The following SLFN12L variants were observed in gnomAD, a reference collection of about 807,000 sequenced individuals.
SLFN12L encodes the protein schlafen family member 12-like.
SLFN12L carries 34 observed loss-of-function variants against 34.8 expected under a neutral mutation model. The observed-to-expected ratio is 0.98, with a 90% confidence interval of 0.74 to 1.30. The LOEUF (loss-of-function observed/expected upper bound fraction) is 1.30. Among genes scored for constraint, SLFN12L ranks in the 50% most tolerant of loss-of-function variants. The pLI is 0.00. For missense variants in SLFN12L, 703 were observed against 696.2 expected, an observed-to-expected ratio of 1.01 and a Z score of -0.11; for synonymous variants, 259 against 247.5, an observed-to-expected ratio of 1.05 and a Z score of -0.44.
At position 35,475,539 on chromosome 17, in the gene SLFN12L, C is replaced by T. The variant is rs918995865; in HGVS notation, c.1277-54G>A. The T allele has an allele frequency of 3.4e-6, 5 of 1,484,746 alleles. No homozygotes were observed. The East Asian group carries it at 1.2e-4, about 36-fold the overall frequency. The allele number at this position is 1,484,746 out of a possible 1,614,324, so 92.0% of individuals were successfully genotyped here. A position where few individuals can be genotyped will look rare whatever the true frequency, so the allele number is the denominator to read the frequency against. On this transcript the variant is annotated intron_variant, in intron 4 of 4. Transcript: ENST00000628453. Reference sequence around the variant, plus strand: ...AAAGACTGAGAACTTCCAACTTAAGCCATGGATACAAAGCAGCTTGTATTA... The same window carrying T: ...AAAGACTGAGAACTTCCAACTTAAGTCATGGATACAAAGCAGCTTGTATTA...
In SLFN12L at chr17:35,498,078, G is replaced by A. The variant is rs892747676; in HGVS notation, c.87-17883C>T. On this transcript the variant is annotated intron_variant, in intron 2 of 4. Transcript: ENST00000628453. Reference sequence around the variant, plus strand: ...AGCGGCCGCCCAGAGCGGCGGCGAGGGCGGCGGGGCGCGGGGCTCCAGGAC... The same window carrying A: ...AGCGGCCGCCCAGAGCGGCGGCGAGAGCGGCGGGGCGCGGGGCTCCAGGAC... The A allele has an allele frequency of 5.7e-6, 3 of 529,002 alleles. No homozygotes were observed. In the South Asian group the frequency reaches 8.0e-5, roughly 14 times the overall value. The allele number at this position is 529,002 out of a possible 1,614,324, so 32.8% of individuals were successfully genotyped here.
intron 2 of SLFN12L, chr17:35,491,014 C>G: frequency 1.3e-6 from 1 of 789,102 alleles, no homozygotes; most frequent in Non-Finnish European, 2.3e-6. Context: ...CTCCTCCGGC[C>G]TCCCCAGCCA....
chr17:35,475,191 A>G lies in SLFN12L; in HGVS notation c.1571T>C (p.Leu524Pro). ...TQTAQTLKQK[L>P]AKIGGYTKKV... ...TTTAGTGTAACCACCAATTTTTGCC[A>G]GCTTCTGTTTTAAAGTTTGGGCAGT... is the stretch of plus-strand genomic sequence containing the variant. Residue 524 changes from leucine (L) to proline (P), a missense_variant, in exon 5 of 5, where the codon CTG becomes CCG. Leu to Pro is a moderately conservative substitution (Grantham distance 98). Transcript: ENST00000628453. The G allele has an allele frequency of 6.2e-7, 1 of 1,614,184 alleles. No individual in the cohort carries two copies. Among genetic ancestry groups the G allele is most frequent in the Non-Finnish European group, 8.5e-7 (1 of 1,180,028 alleles).
At chr17:35,511,789 C>T (rs545638850) in intron 2 of SLFN12L, among the ~76,000 whole-genome samples, 1 of 152,236 alleles carries the variant, frequency 6.6e-6, no homozygotes, top group African/African-American at 2.4e-5. Flanking sequence ...AAAAACATAA[C>T]AGCAATTCCA....
chr17:35,489,647 A>C (rs921253145), intron 2 of SLFN12L, among the ~76,000 whole-genome samples: 2 of 152,236 alleles, frequency 1.3e-5, no homozygotes, highest in Admixed American at 1.3e-4. Context: ...TCGGTATCCA[A>C]GAGTGATTTA....
intron 1 of SLFN12L, among the ~76,000 whole-genome samples, chr17:35,526,170 T>C (rs973197186): frequency 2.0e-5 from 3 of 152,176 alleles, no homozygotes; most frequent in African/African-American, 4.8e-5. Context: ...ATCCTAAATA[T>C]ATATGTACCC....
chr17:35,479,110 C>A lies in SLFN12L; in HGVS notation c.1165+7G>T. ...GGTATCCTTATTGCCAATCCTCCTT[C>A]CTCAACCTGGTTCTGAATCCACCAT... On this transcript the variant is annotated splice_region_variant and intron_variant, in intron 3 of 4. Transcript: ENST00000628453. The A allele has an allele frequency of 1.9e-6, 3 of 1,541,672 alleles. No individual in the cohort carries two copies. Among genetic ancestry groups the A allele is most frequent in the Non-Finnish European group, 2.6e-6 (3 of 1,140,968 alleles).
rs189517220 is a variant in SLFN12L, at chr17:35,474,803, G to T, written c.*120C>A. 5.3e-4 allele frequency: 527 copies of T among 986,412 alleles called. 3 individuals are homozygous for T. In the African/African-American group the frequency reaches 7.6e-3, roughly 14 times the overall value. The allele number at this position is 986,412 out of a possible 1,614,324, so 61.1% of individuals were successfully genotyped here. ...AAAAATTAGCCAGGTGTGGTGGCAG[G>T]CACATGTAATCCCAGCTACTCGGGA... On this transcript the variant is annotated 3_prime_UTR_variant, in exon 5 of 5. Coordinates refer to ENST00000628453, the MANE Select transcript of SLFN12L (RefSeq NM_001363830.2).
In SLFN12L at chr17:35,479,107, C is replaced by T; in HGVS notation, c.1165+10G>A. On this transcript the variant is annotated intron_variant, in intron 3 of 4. Transcript: ENST00000628453. ...AAAGGTATCCTTATTGCCAATCCTC[C>T]TTCCTCAACCTGGTTCTGAATCCAC... 1 of 1,534,168 alleles carries T rather than the reference C, an allele frequency of 6.5e-7. No homozygotes were observed. Among genetic ancestry groups the T allele is most frequent in the Non-Finnish European group, 8.8e-7 (1 of 1,137,094 alleles).
At chr17:35,504,690 T>C (rs920584961) in intron 2 of SLFN12L, among the ~76,000 whole-genome samples, 1 of 152,150 alleles carries the variant, frequency 6.6e-6, no homozygotes, top group African/African-American at 2.4e-5. Flanking sequence ...ACCCTGTGGG[T>C]CAGCCCCCAG....
chr17:35,530,432 AAGGG>A (rs2072389021), intron 1 of SLFN12L, among the ~76,000 whole-genome samples: 1 of 9,412 alleles, frequency 1.1e-4, no homozygotes, highest in African/African-American at 2.2e-4. Context: ...GAAGGAAGGG[AAGGG>A]AAGGGAAGAA....
intron 1 of SLFN12L, among the ~76,000 whole-genome samples, chr17:35,523,660 G>T (rs1443013648): frequency 1.3e-5 from 2 of 152,184 alleles, no homozygotes; most frequent in Non-Finnish European, 2.9e-5. Context: ...TTTAGGCTGG[G>T]TGCGGTGGCT....
At chr17:35,489,755 G>GAGTCAAA (rs753509860) in intron 2 of SLFN12L, among the ~76,000 whole-genome samples, 6 of 152,158 alleles carry the variant, frequency 3.9e-5, no homozygotes, top group Non-Finnish European at 8.8e-5. Context: ...ACTCTTGAAA[G>GAGTCAAA]TTATCCTCAG....
intron 2 of SLFN12L, among the ~76,000 whole-genome samples, chr17:35,492,044 G>A (rs963772359): frequency 4.6e-5 from 7 of 152,094 alleles, no homozygotes; most frequent in Admixed American, 1.3e-4. Context: ...GGATTGTTTT[G>A]AACTTTTTAT....
chr17:35,490,646 T>A (rs1261949169), intron 2 of SLFN12L: 1 of 920,430 alleles, frequency 1.1e-6, no homozygotes, highest in African/African-American at 1.6e-5. Flanking sequence ...TTAGATGAAC[T>A]GATCCCAAGC....
intron 2 of SLFN12L, chr17:35,491,132 C>T (rs1597847426): frequency 1.3e-6 from 1 of 779,734 alleles, no homozygotes; most frequent in South Asian, 1.4e-5. Context: ...AACTTACTGC[C>T]TCCCCTGCTG....
rs887643812 is a variant in SLFN12L, at chr17:35,469,316, TTATATA to T, written c.*5601_*5606del. 7.6e-6 allele frequency among the ~76,000 whole-genome samples: 1 copy of T among 131,774 alleles called. No individual in the cohort carries two copies. The highest frequency in any genetic ancestry group is 2.9e-5 in the African/African-American group (1 of 34,528). 86.4% of individuals were successfully genotyped at this position (131,774 alleles called of 152,430 possible). ...TATATATATATAAAATATATATATA[TTATATA>T]TATAAATATATATATAATATATATA... is the stretch of plus-strand genomic sequence containing the variant. On this transcript the variant is annotated 3_prime_UTR_variant, in exon 5 of 5. Coordinates refer to ENST00000628453, the MANE Select transcript of SLFN12L (RefSeq NM_001363830.2).
intron 2 of SLFN12L, chr17:35,491,229 C>T: frequency 9.1e-7 from 1 of 1,102,918 alleles, no homozygotes; most frequent in South Asian, 1.5e-5. Context: ...TGGAAGACTT[C>T]AAGTGTAGTT....
intron 1 of SLFN12L, among the ~76,000 whole-genome samples, chr17:35,527,426 G>T (rs545785262): frequency 9.3e-5 from 14 of 151,208 alleles, no homozygotes; most frequent in Non-Finnish European, 1.8e-4. Context: ...AATTTTTTTT[G>T]ATGAACATCA....
Sources: gnomAD v4.1 joint callset for allele counts (sites outside exome capture counted in the v4.1 genomes callset) on GRCh38, gnomAD v4.1.1 for gene constraint, MANE v1.5 for transcripts, NCBI Gene and HGNC (gene_info 2026-07-23, HGNC 2026-07-21) for gene names.